LMNTD1: variants seen among roughly 807,000 people sequenced by gnomAD.
The protein encoded by LMNTD1 is lamin tail domain-containing protein 1.
A neutral mutation model predicts 50.9 loss-of-function variants in LMNTD1; 35 were observed. That is an observed-to-expected ratio of 0.69 (90% CI 0.53 to 0.91). The LOEUF is 0.91. Among genes scored for constraint, LMNTD1 ranks in the 40% least tolerant of loss-of-function variants. LMNTD1 has a pLI of 0.00. For missense variants in LMNTD1, 470 were observed against 475.5 expected, an observed-to-expected ratio of 0.99 and a Z score of 0.11; for synonymous variants, 153 against 161.9, an observed-to-expected ratio of 0.94 and a Z score of 0.42.
At chr12:25,533,542 T>C (rs1323680391) in intron 4 of LMNTD1, among the ~76,000 whole-genome samples, 2 of 152,224 alleles carry the variant, frequency 1.3e-5, no homozygotes, top group African/African-American at 4.8e-5. Context: ...ATCTTTGAAG[T>C]TCCAGTTCTT....
At chr12:25,584,217 G>T (rs142392630) in intron 1 of LMNTD1, among the ~76,000 whole-genome samples, 1 of 152,276 alleles carries the variant, frequency 6.6e-6, no homozygotes, top group Non-Finnish European at 1.5e-5. Context: ...TATATGTGAT[G>T]AATATATATG....
intron 1 of LMNTD1, among the ~76,000 whole-genome samples, chr12:25,601,495 GCTTGA>G (rs1230537877): frequency 4.6e-5 from 7 of 151,920 alleles, no homozygotes; most frequent in Admixed American, 4.6e-4. Flanking sequence ...GAGGATAAAT[GCTTGA>G]GGGGATGGAT....
At chr12:25,531,118 A>G (rs545390294) in intron 4 of LMNTD1, among the ~76,000 whole-genome samples, 1 of 152,190 alleles carries the variant, frequency 6.6e-6, no homozygotes, top group African/African-American at 2.4e-5. Context: ...ACAGCAAGGA[A>G]TTGAATTTGG....
At chr12:25,568,145 A>G (rs75180277) in intron 1 of LMNTD1, among the ~76,000 whole-genome samples, 8,921 of 152,222 alleles carry the variant, frequency 0.059, 303 homozygotes, top group African/African-American at 0.078. Context: ...ACTTTTCAGG[A>G]ACTGGAGCAA....
chr12:25,518,759 GC>G (rs757264044), intron 8 of LMNTD1, 35 bp downstream of exon 8: 731 of 1,593,684 alleles, frequency 4.6e-4, no homozygotes, highest in Non-Finnish European at 5.7e-4. Context: ...GCACACACAC[GC>G]ACTCTCCACT....
chr12:25,576,408 T>C (rs1286528047), intron 1 of LMNTD1, among the ~76,000 whole-genome samples: 2 of 152,224 alleles, frequency 1.3e-5, no homozygotes, highest in South Asian at 2.1e-4. Flanking sequence ...TGGTATCTCA[T>C]TGTGGTTTTG....
At chr12:25,535,335 T>TG (rs1942509272) in intron 4 of LMNTD1, among the ~76,000 whole-genome samples, 2 of 152,080 alleles carry the variant, frequency 1.3e-5, no homozygotes, top group African/African-American at 4.8e-5. Context: ...CAACTTCAAG[T>TG]GGCCTAATAT....
chr12:25,587,510 C>G (rs111657479), intron 1 of LMNTD1, among the ~76,000 whole-genome samples: 2,923 of 151,830 alleles, frequency 0.019, 70 homozygotes, highest in African/African-American at 0.06. Flanking sequence ...CTTGTGAGAA[C>G]TCACTCACTC....
intron 1 of LMNTD1, among the ~76,000 whole-genome samples, chr12:25,631,084 G>T (rs540603975): frequency 6.6e-6 from 1 of 152,022 alleles, no homozygotes; most frequent in Admixed American, 6.5e-5. Flanking sequence ...GCCATAATCC[G>T]CCTAGGAACA....
At chr12:25,648,228 GT>G (rs1173704666) in intron 1 of LMNTD1, among the ~76,000 whole-genome samples, 1 of 152,150 alleles carries the variant, frequency 6.6e-6, no homozygotes, top group Non-Finnish European at 1.5e-5. Flanking sequence ...CATTTCGACA[GT>G]CATGGGTTCC....
At chr12:25,619,244 CTCTCTCTCTATA>C (rs1260890454) in intron 1 of LMNTD1, among the ~76,000 whole-genome samples, 59 of 73,652 alleles carry the variant, frequency 8.0e-4, no homozygotes, top group Middle Eastern at 0.013. Flanking sequence ...CTCTCTCTCT[CTCTCTCTCTATA>C]TATATATATA....
intron 6 of LMNTD1, among the ~76,000 whole-genome samples, chr12:25,522,478 G>C (rs1304710279): frequency 6.6e-6 from 1 of 152,162 alleles, no homozygotes; most frequent in Admixed American, 6.5e-5. Context: ...AAAAATTATT[G>C]AGAGTTAGAA....
rs377696428 is a variant in LMNTD1, at chr12:25,504,485, CA to C, written c.1190-686del. Among the ~76,000 whole-genome samples the C allele has an allele frequency of 3.6e-3, 554 of 152,126 alleles. 4 individuals carry two copies. Among genetic ancestry groups the C allele is most frequent in the African/African-American group, 0.013 (539 of 41,494 alleles). ...TACCAAGTACAAATTACTTCTAGAC[CA>C]AAGATGAGTGTTATTTTTATTCCTG... is the stretch of plus-strand genomic sequence containing the variant. On this transcript the variant is annotated intron_variant, in intron 8 of 9. Transcript: ENST00000458174.
intron 1 of LMNTD1, among the ~76,000 whole-genome samples, chr12:25,644,916 ATTAGAT>A (rs1240278902): frequency 6.6e-6 from 1 of 152,192 alleles, no homozygotes; most frequent in Non-Finnish European, 1.5e-5. Flanking sequence ...CTTGTCCAAT[ATTAGAT>A]TTCTTTTTCA....
intron 1 of LMNTD1, among the ~76,000 whole-genome samples, chr12:25,587,913 T>C (rs1328516792): frequency 3.9e-5 from 6 of 152,190 alleles, no homozygotes; most frequent in African/African-American, 1.4e-4. Flanking sequence ...AACTCACTTA[T>C]GTATAATTGG....
intron 4 of LMNTD1, among the ~76,000 whole-genome samples, chr12:25,539,886 A>T (rs1942926816): frequency 6.6e-6 from 1 of 151,636 alleles, no homozygotes; most frequent in African/African-American, 2.4e-5. Flanking sequence ...AAAATCATAA[A>T]GGGGATATCA....
chr12:25,574,050 T>G (rs1459803594), intron 1 of LMNTD1, among the ~76,000 whole-genome samples: 1 of 152,200 alleles, frequency 6.6e-6, no homozygotes, highest in Non-Finnish European at 1.5e-5. Context: ...CATTTATAAT[T>G]CAGCTCTTTA....
intron 1 of LMNTD1, among the ~76,000 whole-genome samples, chr12:25,596,524 A>G (rs1397663665): frequency 6.6e-6 from 1 of 152,080 alleles, no homozygotes; most frequent in African/African-American, 2.4e-5. Context: ...AAAAGCCAGC[A>G]TTCCTTTATG....
intron 4 of LMNTD1, among the ~76,000 whole-genome samples, chr12:25,539,439 T>C (rs1165124096): frequency 1.3e-4 from 19 of 150,364 alleles, no homozygotes; most frequent in Admixed American, 6.6e-5. Flanking sequence ...ACCGCTCAAC[T>C]ACATGGAAAC....
Sources: allele counts gnomAD v4.1 joint callset (sites outside exome capture counted in the v4.1 genomes callset), GRCh38; gene constraint gnomAD v4.1.1; transcripts MANE v1.5; gene names NCBI Gene and HGNC (gene_info 2026-07-23, HGNC 2026-07-21).